The following EBF1 variants were observed in gnomAD, a reference collection of about 807,000 sequenced individuals.
EBF1 encodes transcription factor COE1.
Under a neutral mutation model 68.4 loss-of-function variants are expected in EBF1, and 10 were observed. That is an observed-to-expected ratio of 0.15 (90% CI 0.09 to 0.25). The LOEUF (loss-of-function observed/expected upper bound fraction) is 0.25, where lower values mean the gene tolerates loss of function less well. Ranked by LOEUF, EBF1 falls within the 10% of genes least tolerant of loss-of-function variation. EBF1 has a pLI of 1.00. For synonymous variants in EBF1, 298 were observed against 299.8 expected, an observed-to-expected ratio of 0.99 and a Z score of 0.06; for missense variants, 509 against 794.4, an observed-to-expected ratio of 0.64 and a Z score of 4.32.
chr5:159,084,655 A>G lies in EBF1; in HGVS notation c.485+11T>C, dbSNP rs1340079343. ...TTGCTAATTAACGGGAGAGACCAAG[A>G]TATTTCTTACCTGCACATGATCTCA... On this transcript the variant is annotated intron_variant, in intron 5 of 15. Coordinates refer to ENST00000313708, the MANE Select transcript of EBF1 (RefSeq NM_024007.5). 5 of 1,558,130 alleles carry G rather than the reference A, an allele frequency of 3.2e-6. No individual in the cohort carries two copies. Among genetic ancestry groups the G allele is most frequent in the East Asian group, 2.3e-5 (1 of 43,468 alleles).
At chr5:158,841,100 G>C (rs1476035302) in intron 6 of EBF1, among the ~76,000 whole-genome samples, 1 of 152,140 alleles carries the variant, frequency 6.6e-6, no homozygotes, top group Admixed American at 6.5e-5. Context: ...TACTTGCTAA[G>C]GTGACCAAAG....
At chr5:158,740,976 C>T (rs1766247764) in intron 10 of EBF1, among the ~76,000 whole-genome samples, 1 of 152,230 alleles carries the variant, frequency 6.6e-6, no homozygotes, top group Non-Finnish European at 1.5e-5. Context: ...TGTTTATTAA[C>T]TACTTAGATG....
intron 6 of EBF1, among the ~76,000 whole-genome samples, chr5:159,039,032 A>G (rs1358853543): frequency 1.3e-5 from 2 of 152,242 alleles, no homozygotes; most frequent in African/African-American, 2.4e-5. Context: ...TTTAACAGCC[A>G]AAAGAGTCCT....
In EBF1 at chr5:158,782,005, C is replaced by A. The variant is rs371646955; in HGVS notation, c.910-4466G>T. ...GATGGCCAGTTTCCCTTCCTAGGCA[C>A]ACTTCCCACTTTGCTTTACCACATA... On this transcript the variant is annotated intron_variant, in intron 9 of 15. Coordinates refer to ENST00000313708, the MANE Select transcript of EBF1 (RefSeq NM_024007.5). Among the ~76,000 whole-genome samples the A allele has an allele frequency of 6.7e-4, 102 of 152,306 alleles. 3 individuals carry two copies. The South Asian group carries it at 0.02, about 29-fold the overall frequency.
chr5:158,810,421 C>T (rs530142754), intron 8 of EBF1, among the ~76,000 whole-genome samples: 1 of 152,258 alleles, frequency 6.6e-6, no homozygotes, highest in South Asian at 2.1e-4. Flanking sequence ...TAAATAGTAG[C>T]CCAAGTACAT....
intron 6 of EBF1, among the ~76,000 whole-genome samples, chr5:159,016,414 G>A (rs1280428556): frequency 6.6e-6 from 1 of 152,092 alleles, no homozygotes; most frequent in Non-Finnish European, 1.5e-5. Flanking sequence ...TAAACTTCTT[G>A]AGGTGAGGCT....
intron 15 of EBF1, among the ~76,000 whole-genome samples, chr5:158,702,523 G>T (rs913332947): frequency 1.3e-5 from 2 of 151,890 alleles, no homozygotes; most frequent in African/African-American, 2.4e-5. Flanking sequence ...CCATATTTTT[G>T]ATAAAAACAA....
chr5:159,035,011 T>C (rs1159664137), intron 6 of EBF1, among the ~76,000 whole-genome samples: 1 of 152,200 alleles, frequency 6.6e-6, no homozygotes, highest in African/African-American at 2.4e-5. Flanking sequence ...ATTAGGGGTA[T>C]TTCCTACTAG....
intron 6 of EBF1, among the ~76,000 whole-genome samples, chr5:158,979,886 T>C (rs552032211): frequency 6.6e-6 from 1 of 152,332 alleles, no homozygotes. Flanking sequence ...GTGCCCAAAA[T>C]GCAAAGGTCA....
intron 6 of EBF1, among the ~76,000 whole-genome samples, chr5:159,040,659 C>T (rs1056363398): frequency 1.5e-4 from 23 of 152,140 alleles, no homozygotes; most frequent in African/African-American, 5.6e-4. Context: ...CAAATTTAAC[C>T]AAAGTGTGCT....
intron 6 of EBF1, among the ~76,000 whole-genome samples, chr5:158,917,396 AC>A (rs1190788965): frequency 6.6e-6 from 1 of 151,966 alleles, no homozygotes; most frequent in African/African-American, 2.4e-5. Flanking sequence ...CCTATAACCT[AC>A]CCCCATCTGT....
At chr5:158,841,640 C>T (rs1474475468) in intron 6 of EBF1, among the ~76,000 whole-genome samples, 1 of 152,188 alleles carries the variant, frequency 6.6e-6, no homozygotes, top group African/African-American at 2.4e-5. Flanking sequence ...GCTCTGACTG[C>T]AATGTCTGTC....
At chr5:158,812,839 C>G (rs1255231390) in intron 8 of EBF1, among the ~76,000 whole-genome samples, 9 of 152,134 alleles carry the variant, frequency 5.9e-5, no homozygotes. Flanking sequence ...AATTTCTGCT[C>G]TCTGACATGC....
chr5:158,696,871 G>GTTC lies in EBF1; in HGVS notation c.*2237_*2239dup, dbSNP rs975812580. Reference sequence around the variant, plus strand: ...TACATTGTCTTAAGGTAACAAAACAGTTCTTTTGTGCTTTTCGATTTCTTT... The same window carrying GTTC: ...TACATTGTCTTAAGGTAACAAAACAGTTCTTCTTTTGTGCTTTTCGATTTCTTT... On this transcript the variant is annotated 3_prime_UTR_variant, in exon 16 of 16. Transcript: ENST00000313708. 1 of 196,030 alleles carries GTTC rather than the reference G, an allele frequency of 5.1e-6. No individual in the cohort carries two copies. The highest frequency in any genetic ancestry group is 2.3e-5 in the African/African-American group (1 of 42,744). The allele number at this position is 196,030 out of a possible 1,614,324, so 12.1% of individuals were successfully genotyped here.
At chr5:158,746,339 C>T (rs574664446) in intron 10 of EBF1, among the ~76,000 whole-genome samples, 1 of 152,252 alleles carries the variant, frequency 6.6e-6, no homozygotes, top group South Asian at 2.1e-4. Flanking sequence ...TCAGTACAAG[C>T]TTTCTGGAGG....
chr5:158,934,407 C>A (rs969482161), intron 6 of EBF1, among the ~76,000 whole-genome samples: 1 of 152,130 alleles, frequency 6.6e-6, no homozygotes, highest in Non-Finnish European at 1.5e-5. Flanking sequence ...GCATGCCATA[C>A]CACTCTGTAG....
chr5:158,789,598 C>A (rs145475787), intron 9 of EBF1, among the ~76,000 whole-genome samples: 1 of 152,274 alleles, frequency 6.6e-6, no homozygotes, highest in East Asian at 1.9e-4. Context: ...GAGAACTGGG[C>A]TCTGAGCCCA....
At chr5:159,006,989 C>T (rs1763700664) in intron 6 of EBF1, among the ~76,000 whole-genome samples, 1 of 152,174 alleles carries the variant, frequency 6.6e-6, no homozygotes, top group Non-Finnish European at 1.5e-5. Context: ...CAACACTTAA[C>T]AAAGGCAATG....
chr5:158,809,827 T>C (rs967780719), intron 8 of EBF1, among the ~76,000 whole-genome samples: 2 of 152,204 alleles, frequency 1.3e-5, no homozygotes, highest in Non-Finnish European at 2.9e-5. Context: ...CAGTTCCTTT[T>C]AACTTTCATT....
Sources: allele counts gnomAD v4.1 joint callset (sites outside exome capture counted in the v4.1 genomes callset), GRCh38; gene constraint gnomAD v4.1.1; transcripts MANE v1.5; gene names NCBI Gene and HGNC (gene_info 2026-07-23, HGNC 2026-07-21).